The following EPHB1 variants were observed in gnomAD, a reference collection of about 807,000 sequenced individuals.
The protein encoded by EPHB1 is EPH receptor B1, also known as ephrin type-B receptor 1.
Under a neutral mutation model 94.4 loss-of-function variants are expected in EPHB1, and 30 were observed. The ratio of observed to expected loss-of-function variants is 0.32; its 90% CI spans 0.24 to 0.43. The LOEUF (loss-of-function observed/expected upper bound fraction) is 0.43, where lower values mean the gene tolerates loss of function less well. EPHB1 is among the 20% of genes least tolerant of loss of function. EPHB1 has a pLI of 1.00. For synonymous variants in EPHB1, 522 were observed against 489.1 expected (o/e 1.07, Z -0.89); for missense variants, 1,055 against 1,308.3 (o/e 0.81, Z 2.99).
chr3:135,192,725 C>T lies in EPHB1; in HGVS notation c.2032C>T (p.Pro678Ser), dbSNP rs772831803. ...GAGCATCATGGGCCAGTTCGACCAT[C>T]CTAACATCATTCGCCTGGAGGGTGT... ...EASIMGQFDH[P>S]NIIRLEGVVT... Residue 678 changes from proline to serine, a missense_variant, in exon 11 of 16, where the codon CCT becomes TCT. Physicochemically the swap from Pro to Ser is moderately conservative, Grantham distance 74. Transcript: ENST00000398015. 3 of 1,614,176 alleles carry T rather than the reference C, an allele frequency of 1.9e-6. No individual in the cohort carries two copies. Among genetic ancestry groups the T allele is most frequent in the Non-Finnish European group, 2.5e-6 (3 of 1,180,032 alleles).
At chr3:134,856,175 T>G (rs2037112449) in intron 1 of EPHB1, among the ~76,000 whole-genome samples, 1 of 152,132 alleles carries the variant, frequency 6.6e-6, no homozygotes, top group Non-Finnish European at 1.5e-5. Context: ...TGGGAAAGGT[T>G]GTGAGGTGTC....
chr3:135,170,728 G>A (rs968520639), intron 9 of EPHB1, among the ~76,000 whole-genome samples: 1 of 152,196 alleles, frequency 6.6e-6, no homozygotes, highest in Non-Finnish European at 1.5e-5. Flanking sequence ...TTTGGGAAAC[G>A]TAGAATCTAA....
chr3:134,864,607 G>A (rs1372948595), intron 1 of EPHB1, among the ~76,000 whole-genome samples: 1 of 152,210 alleles, frequency 6.6e-6, no homozygotes, highest in African/African-American at 2.4e-5. Flanking sequence ...CTGAAGGAGG[G>A]AAATGAATTA....
At chr3:134,910,975 G>T (rs2038440634) in intron 1 of EPHB1, among the ~76,000 whole-genome samples, 1 of 152,248 alleles carries the variant, frequency 6.6e-6, no homozygotes, top group African/African-American at 2.4e-5. Flanking sequence ...AACAGGGAGA[G>T]ATGGATAAAA....
chr3:134,894,220 GC>G (rs1284086866), intron 1 of EPHB1, among the ~76,000 whole-genome samples: 1 of 152,170 alleles, frequency 6.6e-6, no homozygotes, highest in African/African-American at 2.4e-5. Context: ...ATCTTGAGGT[GC>G]CTTGGGACAC....
intron 3 of EPHB1, among the ~76,000 whole-genome samples, chr3:134,959,388 G>A (rs560286704): frequency 5.1e-4 from 78 of 152,250 alleles, no homozygotes; most frequent in Non-Finnish European, 9.7e-4. Flanking sequence ...GTCTAGGGAG[G>A]CCACTATCTG....
chr3:135,229,393 A>C (rs982251021), intron 12 of EPHB1, among the ~76,000 whole-genome samples: 46 of 152,204 alleles, frequency 3.0e-4, no homozygotes, highest in Non-Finnish European at 1.0e-4. Context: ...GGAGGCCAGA[A>C]TTGCTTAAGC....
At chr3:135,006,119 G>A (rs1157333264) in intron 3 of EPHB1, among the ~76,000 whole-genome samples, 2 of 152,204 alleles carry the variant, frequency 1.3e-5, no homozygotes, top group African/African-American at 2.4e-5. Flanking sequence ...CCCCAGCCAT[G>A]TGGAACTGTG....
chr3:134,921,195 C>T (rs936716548), intron 1 of EPHB1, among the ~76,000 whole-genome samples: 1 of 152,168 alleles, frequency 6.6e-6, no homozygotes. Context: ...CTTGGGATGA[C>T]TCCTACTTCA....
chr3:134,983,985 G>A (rs1934506391), intron 3 of EPHB1, among the ~76,000 whole-genome samples: 1 of 152,164 alleles, frequency 6.6e-6, no homozygotes, highest in Non-Finnish European at 1.5e-5. Flanking sequence ...GTACCTCAAG[G>A]GTTAGGTGAA....
chr3:134,840,079 G>A (rs1052706632), intron 1 of EPHB1, among the ~76,000 whole-genome samples: 4 of 152,148 alleles, frequency 2.6e-5, no homozygotes, highest in Admixed American at 6.5e-5. Flanking sequence ...TGGCACCTCC[G>A]TTAGTGATCA....
At chr3:135,213,913 C>G (rs1943084570) in intron 12 of EPHB1, among the ~76,000 whole-genome samples, 1 of 152,192 alleles carries the variant, frequency 6.6e-6, no homozygotes, top group South Asian at 2.1e-4. Flanking sequence ...CACAGCCGTG[C>G]TCTCTGCAGG....
At position 134,902,013 on chromosome 3, in the gene EPHB1, G is replaced by A. The variant is rs2038212913; in HGVS notation, c.59-23803G>A. ...GTGGAGGAGGAGGGAAAGGGAGCTT[G>A]TACTTTTCTCTGAGATCCATGGGCA... On this transcript the variant is annotated intron_variant, in intron 1 of 15. Coordinates refer to ENST00000398015, the MANE Select transcript of EPHB1 (RefSeq NM_004441.5). Among the ~76,000 whole-genome samples, 4 of 152,210 alleles carry A rather than the reference G, an allele frequency of 2.6e-5. No individual in the cohort carries two copies. The South Asian group carries it at 8.3e-4, about 31-fold the overall frequency.
At chr3:134,812,212 A>T (rs575299397) in intron 1 of EPHB1, among the ~76,000 whole-genome samples, 11 of 152,226 alleles carry the variant, frequency 7.2e-5, no homozygotes, top group Non-Finnish European at 1.2e-4. Context: ...GTGGTCATGT[A>T]GCCACCCTAC....
chr3:134,994,036 G>A (rs910515692), intron 3 of EPHB1, among the ~76,000 whole-genome samples: 6 of 152,112 alleles, frequency 3.9e-5, no homozygotes, highest in East Asian at 1.9e-4. Context: ...GAAGCCCTCC[G>A]GGGTTAGGTA....
intron 3 of EPHB1, among the ~76,000 whole-genome samples, chr3:135,097,346 C>G (rs1938842013): frequency 6.6e-6 from 1 of 152,024 alleles, no homozygotes; most frequent in Non-Finnish European, 1.5e-5. Flanking sequence ...GGACTCTCTT[C>G]TGAGAGAAAC....
intron 3 of EPHB1, among the ~76,000 whole-genome samples, chr3:135,030,272 T>C (rs1333599219): frequency 2.6e-5 from 4 of 152,256 alleles, no homozygotes; most frequent in Non-Finnish European, 5.9e-5. Context: ...GGTGAGGAGC[T>C]GCGTTCCTTT....
chr3:135,078,704 T>A (rs893180079), intron 3 of EPHB1, among the ~76,000 whole-genome samples: 1 of 152,192 alleles, frequency 6.6e-6, no homozygotes, highest in African/African-American at 2.4e-5. Flanking sequence ...TAGTCATGCA[T>A]CTTTCTTAGG....
At position 134,858,374 on chromosome 3, in the gene EPHB1, G is replaced by A. The variant is rs780824733; in HGVS notation, c.58+62685G>A. ...CACTGGCAGTGGCACGTGGGAGGGCGTGTGGGTCTGCCATAGCTGAGTAAA... is the reference window on the plus strand; with the variant it reads ...CACTGGCAGTGGCACGTGGGAGGGCATGTGGGTCTGCCATAGCTGAGTAAA... On this transcript the variant is annotated intron_variant, in intron 1 of 15. Coordinates refer to ENST00000398015, the MANE Select transcript of EPHB1 (RefSeq NM_004441.5). Among the ~76,000 whole-genome samples, 18 of 152,114 alleles carry A rather than the reference G, an allele frequency of 1.2e-4. 1 individual carries two copies. The highest frequency in any genetic ancestry group is 7.9e-4 in the Admixed American group (12 of 15,272).
Sources: gnomAD v4.1 joint callset for allele counts (sites outside exome capture counted in the v4.1 genomes callset) on GRCh38, gnomAD v4.1.1 for gene constraint, MANE v1.5 for transcripts, NCBI Gene and HGNC (gene_info 2026-07-23, HGNC 2026-07-21) for gene names.